CNTN5: variants seen among roughly 807,000 people sequenced by gnomAD.
CNTN5 encodes contactin-5.
A neutral mutation model predicts 129.1 loss-of-function variants in CNTN5; 77 were observed. That is an observed-to-expected ratio of 0.60 (90% CI 0.50 to 0.72). The LOEUF (loss-of-function observed/expected upper bound fraction) is 0.72, where lower values mean the gene tolerates loss of function less well. Among genes scored for constraint, CNTN5 ranks in the 30% least tolerant of loss-of-function variants. CNTN5 has a pLI of 0.00. For synonymous variants in CNTN5, 509 were observed against 465.6 expected, an observed-to-expected ratio of 1.09 and a Z score of -1.20; for missense variants, 1,478 against 1,328.8, an observed-to-expected ratio of 1.11 and a Z score of -1.75.
intron 2 of CNTN5, among the ~76,000 whole-genome samples, chr11:99,345,559 A>G (rs1458224944): frequency 6.6e-6 from 1 of 152,226 alleles, no homozygotes; most frequent in Non-Finnish European, 1.5e-5. Context: ...AAAAAGGAAT[A>G]TGAGGTTAAA....
chr11:99,875,891 G>A (rs889779892), intron 6 of CNTN5, among the ~76,000 whole-genome samples: 3 of 151,998 alleles, frequency 2.0e-5, no homozygotes, highest in Non-Finnish European at 4.4e-5. Context: ...GGTCATTTTT[G>A]TAGTGATTTT....
At chr11:100,026,288 C>A (rs1941416078) in intron 9 of CNTN5, among the ~76,000 whole-genome samples, 1 of 150,746 alleles carries the variant, frequency 6.6e-6, no homozygotes, top group South Asian at 2.1e-4. Flanking sequence ...TCACTTTCCA[C>A]CAAGATAGTA....
rs147327051 is a variant in CNTN5 at position 99,524,756 on chromosome 11, T to A, written c.-70-31389T>A. Among the ~76,000 whole-genome samples, 1,469 of 151,736 alleles carry A rather than the reference T, an allele frequency of 9.7e-3. 23 individuals are homozygous for A. The highest frequency in any genetic ancestry group is 0.033 in the African/African-American group (1,378 of 41,358). On this transcript the variant is annotated intron_variant, in intron 2 of 24. Coordinates refer to ENST00000524871, the MANE Select transcript of CNTN5 (RefSeq NM_014361.4). ...AGGCAGAGGTTGCAGTGAGTTGAGA[T>A]CATGCCACTGCACTCCAGCCTGGGC...
At chr11:99,894,762 T>G (rs1341090810) in intron 6 of CNTN5, among the ~76,000 whole-genome samples, 9 of 152,156 alleles carry the variant, frequency 5.9e-5, no homozygotes, top group Admixed American at 5.9e-4. Flanking sequence ...CTATGATAAT[T>G]TTGAAATCCA....
chr11:99,840,853 A>G (rs1348119011), intron 4 of CNTN5, among the ~76,000 whole-genome samples: 1 of 152,150 alleles, frequency 6.6e-6, no homozygotes, highest in African/African-American at 2.4e-5. Context: ...GAATGTAAGT[A>G]TATGGATTTA....
At chr11:100,187,391 T>G (rs1432740774) in intron 13 of CNTN5, among the ~76,000 whole-genome samples, 1 of 144,730 alleles carries the variant, frequency 6.9e-6, no homozygotes, top group East Asian at 2.1e-4. Context: ...TTCAACGCTA[T>G]TCCTATCAAG....
chr11:99,649,310 C>T (rs584310), intron 3 of CNTN5, among the ~76,000 whole-genome samples: 91,146 of 151,414 alleles, frequency 0.6, 28,300 homozygotes, highest in Admixed American at 0.69. Flanking sequence ...ATTTATTCAA[C>T]CATTTAGTTT....
intron 8 of CNTN5, among the ~76,000 whole-genome samples, chr11:99,959,215 T>C (rs1950879580): frequency 6.6e-6 from 1 of 152,186 alleles, no homozygotes; most frequent in Non-Finnish European, 1.5e-5. Flanking sequence ...CAGGGGTTCA[T>C]GATCATCAAT....
chr11:99,092,766 T>C (rs1333392603), intron 1 of CNTN5, among the ~76,000 whole-genome samples: 4 of 152,092 alleles, frequency 2.6e-5, no homozygotes, highest in African/African-American at 9.6e-5. Flanking sequence ...ATTTTTGTTA[T>C]AGATGTGTGT....
intron 2 of CNTN5, among the ~76,000 whole-genome samples, chr11:99,482,793 G>A (rs548763253): frequency 6.6e-6 from 1 of 151,646 alleles, no homozygotes; most frequent in East Asian, 2.0e-4. Context: ...TTAATACCCG[G>A]AACTTCACTA....
chr11:99,984,062 G>A (rs964085862), intron 8 of CNTN5, among the ~76,000 whole-genome samples: 2 of 152,168 alleles, frequency 1.3e-5, no homozygotes, highest in Non-Finnish European at 2.9e-5. Context: ...GAGGTCAGGA[G>A]TTTGAGACCA....
chr11:99,989,077 G>GA lies in CNTN5; in HGVS notation c.878-12953dup, dbSNP rs1429413104. On this transcript the variant is annotated intron_variant, in intron 8 of 24. Coordinates refer to ENST00000524871, the MANE Select transcript of CNTN5 (RefSeq NM_014361.4). ...AGACATATTTCTTTGTTTTATCATG[G>GA]AAAACTTAATCTGCTAGACTTAAAT... 2.0e-5 allele frequency among the ~76,000 whole-genome samples: 3 copies of GA among 152,170 alleles called. No homozygotes were observed. The East Asian group carries it at 5.8e-4, about 29-fold the overall frequency.
intron 1 of CNTN5, among the ~76,000 whole-genome samples, chr11:99,247,198 G>T (rs1450446331): frequency 6.6e-6 from 1 of 152,070 alleles, no homozygotes; most frequent in Non-Finnish European, 1.5e-5. Context: ...AGAGTAGGAG[G>T]AAGATTTAAG....
At chr11:99,966,765 T>C (rs1331269359) in intron 8 of CNTN5, among the ~76,000 whole-genome samples, 1 of 152,184 alleles carries the variant, frequency 6.6e-6, no homozygotes, top group Non-Finnish European at 1.5e-5. Flanking sequence ...AGAAAGTGAC[T>C]CCTTCTAATA....
intron 2 of CNTN5, among the ~76,000 whole-genome samples, chr11:99,535,872 T>A (rs1178131698): frequency 6.6e-6 from 1 of 152,168 alleles, no homozygotes; most frequent in East Asian, 1.9e-4. Flanking sequence ...ATTAACTCAC[T>A]AAAATATTAC....
chr11:99,453,611 G>A (rs1009433272), intron 2 of CNTN5, among the ~76,000 whole-genome samples: 5 of 152,226 alleles, frequency 3.3e-5, no homozygotes, highest in Admixed American at 6.5e-5. Context: ...ATTTATGAGC[G>A]ATGAAAAAAC....
intron 6 of CNTN5, among the ~76,000 whole-genome samples, chr11:99,870,822 A>C (rs1948486280): frequency 1.3e-5 from 2 of 151,956 alleles, no homozygotes; most frequent in Non-Finnish European, 2.9e-5. Context: ...ACTTTGGAAG[A>C]GGTTCAATGA....
At chr11:99,914,806 A>G (rs1407164694) in intron 6 of CNTN5, among the ~76,000 whole-genome samples, 1 of 152,082 alleles carries the variant, frequency 6.6e-6, no homozygotes, top group Non-Finnish European at 1.5e-5. Flanking sequence ...GGATGTGTTT[A>G]AGAAGATTTG....
intron 8 of CNTN5, among the ~76,000 whole-genome samples, chr11:99,990,124 T>G (rs1391504776): frequency 6.6e-6 from 1 of 152,184 alleles, no homozygotes; most frequent in Non-Finnish European, 1.5e-5. Flanking sequence ...ATATAGTTGC[T>G]TTCTTCAGGC....
Sources: gnomAD v4.1 joint callset for allele counts (sites outside exome capture counted in the v4.1 genomes callset) on GRCh38, gnomAD v4.1.1 for gene constraint, MANE v1.5 for transcripts, NCBI Gene and HGNC (gene_info 2026-07-23, HGNC 2026-07-21) for gene names.